Variants in SGPL1 observed in about 807,000 individuals in gnomAD.
SGPL1 encodes the protein sphingosine-1-phosphate lyase 1.
Under a neutral mutation model 68.9 loss-of-function variants are expected in SGPL1, and 37 were observed. The observed-to-expected ratio is 0.54, with a 90% CI of 0.41 to 0.71. The LOEUF (loss-of-function observed/expected upper bound fraction) is 0.71. Ranked by LOEUF, SGPL1 falls within the 30% of genes least tolerant of loss-of-function variation. SGPL1 has a pLI of 0.00. For synonymous variants in SGPL1, 236 were observed against 248.5 expected, an observed-to-expected ratio of 0.95 and a Z score of 0.47; for missense variants, 551 against 704.6, an observed-to-expected ratio of 0.78 and a Z score of 2.47.
intron 3 of SGPL1, among the ~76,000 whole-genome samples, chr10:70,848,723 A>C (rs888847635): frequency 6.6e-6 from 1 of 152,068 alleles, no homozygotes; most frequent in Admixed American, 6.5e-5. Context: ...TGGCCTCCCA[A>C]AGTGCTGGGA....
At chr10:70,846,230 A>C (rs1317496515) in intron 3 of SGPL1, among the ~76,000 whole-genome samples, 3 of 152,152 alleles carry the variant, frequency 2.0e-5, no homozygotes, top group Non-Finnish European at 4.4e-5. Context: ...CTTCCGCTGC[A>C]TCTGCTCAAT....
intron 2 of SGPL1, among the ~76,000 whole-genome samples, chr10:70,824,486 A>G (rs571358084): frequency 3.9e-5 from 6 of 152,364 alleles, no homozygotes; most frequent in African/African-American, 1.2e-4. Context: ...CAATACCTAT[A>G]TTACAAAGAT....
chr10:70,848,583 G>A (rs1267990202), intron 3 of SGPL1, among the ~76,000 whole-genome samples: 1 of 145,872 alleles, frequency 6.9e-6, no homozygotes, highest in Non-Finnish European at 1.5e-5. Flanking sequence ...ACTTGCTTCA[G>A]CCTCCCGAGT....
In SGPL1 at chr10:70,844,476, G is replaced by C; in HGVS notation, c.31G>C (p.Ala11Pro). The change falls in exon 3 of 15, where the codon GCC (alanine) becomes CCC (proline). Residue 11 changes from alanine (A) to proline (P), a missense_variant. Physicochemically the swap from Ala to Pro is conservative, Grantham distance 27 (BLOSUM62 -1). Transcript: ENST00000373202. ...TATTTTTCACTTGTATTTCTAGAAG[G>C]CCTTTGAGCCCTACTTAGAGATTTT... Reference protein sequence around the residue: MPSTDLLMLKAFEPYLEILEV... With the variant: MPSTDLLMLKPFEPYLEILEV... 4 of 1,612,720 alleles carry C rather than the reference G, an allele frequency of 2.5e-6. No homozygotes were observed. The South Asian group carries it at 3.3e-5, about 13-fold the overall frequency.
In SGPL1 at chr10:70,877,582, G is replaced by T; in HGVS notation, c.*247G>T. On this transcript the variant is annotated 3_prime_UTR_variant, in exon 15 of 15. Transcript: ENST00000373202. ...GCCCTTGTTATAAATGTTACCCTAG[G>T]AATTGTTTTAACCATTTCCTTTTCT... 2.2e-6 allele frequency: 1 copy of T among 447,234 alleles called. No homozygotes were observed. The highest frequency in any genetic ancestry group is 4.8e-5 in the South Asian group (1 of 20,752). 27.7% of individuals were successfully genotyped at this position (447,234 alleles called of 1,614,324 possible).
chr10:70,863,244 C>T lies in SGPL1; in HGVS notation c.615+3745C>T, dbSNP rs1589469547. ...TGAAGTGATCTGCCTGCCTTGGCTT[C>T]TCAAAGTGCTGGGATTACAGGCGTA... On this transcript the variant is annotated intron_variant, in intron 7 of 14. Coordinates refer to ENST00000373202, the MANE Select transcript of SGPL1 (RefSeq NM_003901.4). 2.0e-5 allele frequency among the ~76,000 whole-genome samples: 3 copies of T among 147,930 alleles called. No individual in the cohort carries two copies. The South Asian group carries it at 6.5e-4, about 32-fold the overall frequency.
At chr10:70,820,154 C>G (rs1172178163) in intron 2 of SGPL1, 1 of 152,168 alleles carries the variant, frequency 6.6e-6, no homozygotes, top group African/African-American at 2.4e-5. Flanking sequence ...TTAATTTTCA[C>G]AAAAACCTTT....
At chr10:70,847,196 G>GCCTGGT in intron 3 of SGPL1, among the ~76,000 whole-genome samples, 1 of 152,024 alleles carries the variant, frequency 6.6e-6, no homozygotes, top group South Asian at 2.1e-4. Context: ...CACCCAGGCT[G>GCCTGGT]GAGTTCAGTG....
chr10:70,859,251 AT>A, intron 6 of SGPL1, 119 bp from the exon 7 acceptor site: 1 of 608,282 alleles, frequency 1.6e-6, no homozygotes, highest in Admixed American at 4.9e-5. Context: ...AATATATCTT[AT>A]CTTTTTTTCC....
chr10:70,822,230 T>G (rs980644041), intron 2 of SGPL1, among the ~76,000 whole-genome samples: 6 of 152,284 alleles, frequency 3.9e-5, no homozygotes, highest in African/African-American at 1.4e-4. Flanking sequence ...ATTAAAAAAT[T>G]TGTTGACATT....
At chr10:70,844,716 T>C in intron 3 of SGPL1, 78 bp downstream of exon 3, 3 of 1,324,146 alleles carry the variant, frequency 2.3e-6, no homozygotes, top group South Asian at 1.3e-5. Context: ...ATAGGACTAA[T>C]TTATTGCCTT....
intron 2 of SGPL1, among the ~76,000 whole-genome samples, chr10:70,822,594 G>A (rs896679190): frequency 6.6e-6 from 1 of 152,188 alleles, no homozygotes; most frequent in African/African-American, 2.4e-5. Context: ...CCATGCTGTG[G>A]GGGAAGGGGA....
In SGPL1 at chr10:70,878,745, C is replaced by G. The variant is rs1265498536; in HGVS notation, c.*1410C>G. The G allele has an allele frequency of 6.6e-6, 1 of 152,238 alleles. No homozygotes were observed. Among genetic ancestry groups the G allele is most frequent in the African/African-American group, 2.4e-5 (1 of 41,452 alleles). The allele number at this position is 152,238 out of a possible 1,614,324, so 9.4% of individuals were successfully genotyped here. A position where few individuals can be genotyped will look rare whatever the true frequency, so the allele number is the denominator to read the frequency against. On this transcript the variant is annotated 3_prime_UTR_variant, in exon 15 of 15. Transcript: ENST00000373202. ...GGAAAATTTTCTCTATTAGTGTGTT[C>G]TTCTGCCTCTTCCCCCTTGATTCAG...
chr10:70,825,810 C>A (rs1845423685), intron 2 of SGPL1, among the ~76,000 whole-genome samples: 1 of 152,122 alleles, frequency 6.6e-6, no homozygotes, highest in Admixed American at 6.5e-5. Context: ...AATGCATCAG[C>A]TAGAATTAGG....
chr10:70,869,032 T>G (rs1846244191), intron 8 of SGPL1, among the ~76,000 whole-genome samples: 1 of 152,210 alleles, frequency 6.6e-6, no homozygotes, highest in South Asian at 2.1e-4. Context: ...AAGTATTACT[T>G]GACAATGGGG....
intron 7 of SGPL1, 34 bp downstream of exon 7, chr10:70,859,533 T>C: frequency 1.5e-6 from 2 of 1,306,656 alleles, no homozygotes; most frequent in East Asian, 6.1e-5. Context: ...AATAGCCTTA[T>C]TTTTTAGGTT....
intron 2 of SGPL1, among the ~76,000 whole-genome samples, chr10:70,839,899 TA>T (rs891155753): frequency 1.9e-3 from 283 of 148,944 alleles, no homozygotes; most frequent in African/African-American, 5.9e-3. Context: ...CTGATGAGCT[TA>T]AAAAAAAATA....
chr10:70,846,972 A>G (rs555940345), intron 3 of SGPL1, among the ~76,000 whole-genome samples: 47 of 152,252 alleles, frequency 3.1e-4, no homozygotes, highest in African/African-American at 1.1e-3. Context: ...CTAATAGTAG[A>G]GACACAGCCA....
At chr10:70,860,720 A>G (rs1296178289) in intron 7 of SGPL1, among the ~76,000 whole-genome samples, 3 of 152,244 alleles carry the variant, frequency 2.0e-5, no homozygotes, top group Non-Finnish European at 4.4e-5. Context: ...CATATATCTT[A>G]TGACCCAGAA....
Sources: gnomAD v4.1 joint callset for allele counts (sites outside exome capture counted in the v4.1 genomes callset) on GRCh38, gnomAD v4.1.1 for gene constraint, MANE v1.5 for transcripts, NCBI Gene and HGNC (gene_info 2026-07-23, HGNC 2026-07-21) for gene names.